Variants in TENM2 observed in about 807,000 individuals in gnomAD.
The protein encoded by TENM2 is teneurin-2.
Under a neutral mutation model 245.2 loss-of-function variants are expected in TENM2, and 52 were observed. That is an observed-to-expected ratio of 0.21 (90% CI 0.17 to 0.27). The LOEUF is 0.27. Among genes scored for constraint, TENM2 ranks in the 10% least tolerant of loss-of-function variants. The probability of loss-of-function intolerance (pLI) is 1.00; values close to 1 mark genes in which losing one functional copy is unlikely to be tolerated. For missense variants in TENM2, 3,046 were observed against 3,666.8 expected (o/e 0.83, Z 4.37); for synonymous variants, 1,363 against 1,438.9 (o/e 0.95, Z 1.19).
chr5:168,226,214 T>C lies in TENM2; in HGVS notation c.5235T>C (p.Thr1745=), dbSNP rs761436044. ...ACTCCAACCGTGATGATGACGTCAC[T>C]GTCATCACCAACCTCTCTTCAGTAG... is the stretch of plus-strand genomic sequence containing the variant. The change falls in exon 24 of 29, where the codon ACT becomes ACC. Residue 1745 remains threonine (T), a synonymous_variant. Coordinates refer to ENST00000518659, the Ensembl canonical transcript of TENM2. 3.5e-5 allele frequency: 56 copies of C among 1,613,426 alleles called. 2 individuals are homozygous for C. The South Asian group carries it at 5.9e-4, about 17-fold the overall frequency.
chr5:167,388,652 G>A (rs188396202), intron 2 of TENM2, among the ~76,000 whole-genome samples: 1 of 151,834 alleles, frequency 6.6e-6, no homozygotes, highest in South Asian at 2.1e-4. Context: ...GCTATGAACT[G>A]TCCTCTTAGA....
intron 2 of TENM2, among the ~76,000 whole-genome samples, chr5:167,853,013 G>A (rs867262681): frequency 2.0e-5 from 3 of 148,066 alleles, no homozygotes; most frequent in South Asian, 2.2e-4. Flanking sequence ...TCTGCCAGGC[G>A]CGGTGGCTCA....
chr5:167,079,270 T>TATAC, the TENM2 span, among the ~76,000 whole-genome samples: 1 of 146,218 alleles, frequency 6.8e-6, no homozygotes, highest in African/African-American at 2.5e-5. Context: ...TATATATATA[T>TATAC]ACACACACAC....
chr5:167,249,342 G>C, the TENM2 span, among the ~76,000 whole-genome samples: 1 of 152,092 alleles, frequency 6.6e-6, no homozygotes, highest in African/African-American at 2.4e-5. Flanking sequence ...GTAAATTATG[G>C]CAGCTGGCTA....
exon 7 of TENM2, chr5:168,062,226 T>C (rs1790108455): frequency 1.2e-6 from 2 of 1,613,840 alleles, no homozygotes; most frequent in Non-Finnish European, 1.7e-6. Flanking sequence ...CTCTCTTTGG[T>C]GTTTACATAA....
At chr5:167,284,983 A>G in exon 1 of TENM2, 4 of 1,552,002 alleles carry the variant, frequency 2.6e-6, no homozygotes, top group Non-Finnish European at 3.5e-6. Flanking sequence ...CTGAAGGCCT[A>G]TGACCATGAC....
exon 24 of TENM2, chr5:168,226,133 G>A: frequency 6.2e-7 from 1 of 1,613,760 alleles, no homozygotes; most frequent in Non-Finnish European, 8.5e-7. Context: ...GCCCCACGGG[G>A]GTGGTAACCA....
intron 10 of TENM2, among the ~76,000 whole-genome samples, chr5:168,119,026 G>A (rs879687525): frequency 6.6e-6 from 1 of 152,134 alleles, no homozygotes; most frequent in African/African-American, 2.4e-5. Context: ...GCCCGTGTAT[G>A]TCTGTGTAAA....
exon 14 of TENM2, chr5:168,190,341 C>A: frequency 2.5e-6 from 4 of 1,612,882 alleles, no homozygotes; most frequent in Non-Finnish European, 3.4e-6. Context: ...TTCCAGATGG[C>A]CTGGTGGATT....
the TENM2 span, among the ~76,000 whole-genome samples, chr5:167,266,681 G>T: frequency 1.3e-5 from 2 of 152,248 alleles, no homozygotes; most frequent in Admixed American, 1.3e-4. Flanking sequence ...ATGGGGATAG[G>T]TATATCTAAA....
chr5:167,196,558 ATG>A, the TENM2 span, among the ~76,000 whole-genome samples: 81 of 147,848 alleles, frequency 5.5e-4, 1 homozygote, highest in Admixed American at 1.5e-3. Flanking sequence ...GTATATATAT[ATG>A]TGTGTGTATA....
At chr5:167,028,052 A>G in the TENM2 span, among the ~76,000 whole-genome samples, 1 of 138,046 alleles carries the variant, frequency 7.2e-6, no homozygotes, top group Non-Finnish European at 1.5e-5. Flanking sequence ...CCTGGGTAAC[A>G]GAGTGAGATT....
At chr5:167,571,723 CG>C (rs1774276975) in intron 2 of TENM2, among the ~76,000 whole-genome samples, 1 of 152,176 alleles carries the variant, frequency 6.6e-6, no homozygotes, top group African/African-American at 2.4e-5. Flanking sequence ...CAATAAACCT[CG>C]GGCCCCTTCC....
intron 2 of TENM2, among the ~76,000 whole-genome samples, chr5:167,739,756 A>T (rs946088010): frequency 6.6e-6 from 1 of 152,096 alleles, no homozygotes; most frequent in Non-Finnish European, 1.5e-5. Flanking sequence ...CCCAACTAAG[A>T]CCACTTTTCA....
chr5:167,353,565 T>C (rs570397318), intron 1 of TENM2, among the ~76,000 whole-genome samples: 1 of 125,438 alleles, frequency 8.0e-6, no homozygotes, highest in Non-Finnish European at 1.6e-5. Flanking sequence ...TGGAGTGCAG[T>C]GGCGGGATCT....
intron 3 of TENM2, among the ~76,000 whole-genome samples, chr5:167,882,244 C>A (rs1773937884): frequency 6.6e-6 from 1 of 152,172 alleles, no homozygotes; most frequent in Non-Finnish European, 1.5e-5. Context: ...CACTGTTTGG[C>A]AAACACACAT....
chr5:167,500,419 A>G (rs1485047882), intron 2 of TENM2, among the ~76,000 whole-genome samples: 1 of 152,130 alleles, frequency 6.6e-6, no homozygotes, highest in African/African-American at 2.4e-5. Flanking sequence ...GTGCAGTATA[A>G]CTTAAAAACA....
the TENM2 span, among the ~76,000 whole-genome samples, chr5:167,042,252 T>C: frequency 9.9e-5 from 15 of 152,186 alleles, no homozygotes; most frequent in African/African-American, 3.6e-4. Context: ...CACATTTCAT[T>C]TTAACACCAC....
At chr5:167,511,245 C>T (rs756326859) in intron 2 of TENM2, among the ~76,000 whole-genome samples, 3 of 151,994 alleles carry the variant, frequency 2.0e-5, no homozygotes, top group African/African-American at 7.2e-5. Flanking sequence ...AGATAAAAGA[C>T]TGGGAAATCA....
Sources: allele counts gnomAD v4.1 joint callset (sites outside exome capture counted in the v4.1 genomes callset), GRCh38; gene constraint gnomAD v4.1.1; transcripts MANE v1.5; gene names NCBI Gene and HGNC (gene_info 2026-07-23, HGNC 2026-07-21).